The following MORC1 variants were observed in gnomAD, a reference collection of about 807,000 sequenced individuals.
MORC1 encodes MORC family CW-type zinc finger protein 1.
Under a neutral mutation model 134.9 loss-of-function variants are expected in MORC1, and 59 were observed. That is an observed-to-expected ratio of 0.44 (90% confidence interval 0.35 to 0.54). The LOEUF (loss-of-function observed/expected upper bound fraction) is 0.54, where lower values mean the gene tolerates loss of function less well. Ranked by LOEUF, MORC1 falls within the 20% of genes least tolerant of loss-of-function variation. The pLI is 0.00. For missense variants in MORC1, 947 were observed against 1,134.5 expected (o/e 0.83, Z 2.37); for synonymous variants, 395 against 391.7 (o/e 1.01, Z -0.10).
intron 17 of MORC1, among the ~76,000 whole-genome samples, chr3:109,018,506 G>C (rs1189745952): frequency 6.6e-6 from 1 of 151,848 alleles, no homozygotes; most frequent in Non-Finnish European, 1.5e-5. Flanking sequence ...TATTCCAAAG[G>C]GTAAGAGTTA....
At chr3:108,995,303 T>C (rs975336049) in intron 21 of MORC1, among the ~76,000 whole-genome samples, 18 of 152,186 alleles carry the variant, frequency 1.2e-4, no homozygotes, top group Admixed American at 1.2e-3. Flanking sequence ...ATAAAAGGTG[T>C]GATTTAAAAA....
chr3:109,036,852 A>T (rs1292191199), intron 14 of MORC1, among the ~76,000 whole-genome samples: 3 of 152,174 alleles, frequency 2.0e-5, no homozygotes, highest in Non-Finnish European at 4.4e-5. Context: ...TGGGGCTTTT[A>T]ATTCAGACTT....
chr3:108,988,686 A>G (rs1290083395), intron 21 of MORC1, among the ~76,000 whole-genome samples: 4 of 152,176 alleles, frequency 2.6e-5, no homozygotes, highest in Admixed American at 2.0e-4. Flanking sequence ...ATCCATGATG[A>G]TTATAACAAA....
At chr3:109,079,253 A>G (rs1343971453) in intron 8 of MORC1, among the ~76,000 whole-genome samples, 1 of 152,120 alleles carries the variant, frequency 6.6e-6, no homozygotes, top group Non-Finnish European at 1.5e-5. Context: ...CAGTCATGTA[A>G]AAGAATAATA....
intron 8 of MORC1, among the ~76,000 whole-genome samples, chr3:109,085,776 A>C (rs1267099994): frequency 6.6e-6 from 1 of 152,102 alleles, no homozygotes; most frequent in East Asian, 1.9e-4. Context: ...TGAATCTATC[A>C]AAGAGATATC....
In MORC1 at chr3:109,028,032, G is replaced by A. The variant is rs1336811896; in HGVS notation, c.1566-143C>T. The A allele has an allele frequency of 2.9e-5, 26 of 906,734 alleles. No individual in the cohort carries two copies. In the Middle Eastern group the frequency reaches 9.9e-4, roughly 34 times the overall value. 56.2% of individuals were successfully genotyped at this position (906,734 alleles called of 1,614,324 possible). A position where few individuals can be genotyped will look rare whatever the true frequency, so the allele number is the denominator to read the frequency against. On this transcript the variant is annotated intron_variant, in intron 16 of 27. Transcript: ENST00000232603. ...AATAGGAAGGAAAAGCATTGTATCC[G>A]TGGCTTTCGATAACAAATAACCTTA... is the stretch of plus-strand genomic sequence containing the variant.
chr3:109,005,372 TCAC>T (rs1255580930), intron 18 of MORC1, 57 bp from the exon 19 acceptor site: 8 of 1,446,070 alleles, frequency 5.5e-6, no homozygotes, highest in Non-Finnish European at 7.4e-6. Flanking sequence ...TTATAATTAA[TCAC>T]CACTTCTCTC....
At chr3:109,090,059 G>C (rs968634897) in intron 8 of MORC1, among the ~76,000 whole-genome samples, 11 of 152,082 alleles carry the variant, frequency 7.2e-5, no homozygotes, top group African/African-American at 2.7e-4. Context: ...ATAAAATGCA[G>C]ACTTGTGTAT....
chr3:109,087,787 G>A (rs189041880), intron 8 of MORC1, among the ~76,000 whole-genome samples: 1 of 152,094 alleles, frequency 6.6e-6, no homozygotes, highest in Admixed American at 6.6e-5. Context: ...TAAGCAAAAA[G>A]AACAAAGCTG....
intron 17 of MORC1, among the ~76,000 whole-genome samples, chr3:109,013,913 T>C (rs915925635): frequency 5.9e-5 from 9 of 152,190 alleles, no homozygotes; most frequent in African/African-American, 2.2e-4. Flanking sequence ...TTTCCCTCCC[T>C]TGCTTTCTGC....
At chr3:108,990,898 TTCTCTCTCTCTCTCTC>T (rs34333221) in intron 21 of MORC1, among the ~76,000 whole-genome samples, 2 of 145,664 alleles carry the variant, frequency 1.4e-5, no homozygotes, top group Non-Finnish European at 3.0e-5. Context: ...GTTTCTCTCT[TTCTCTCTCTCTCTCTC>T]TCTCTCTCTC....
chr3:109,070,317 G>T (rs997273925), intron 8 of MORC1, among the ~76,000 whole-genome samples: 1 of 152,050 alleles, frequency 6.6e-6, no homozygotes, highest in Non-Finnish European at 1.5e-5. Flanking sequence ...ACACGATAAT[G>T]AAAAAGGAGA....
chr3:109,002,844 C>T (rs1266605758), intron 20 of MORC1, among the ~76,000 whole-genome samples: 2 of 152,164 alleles, frequency 1.3e-5, no homozygotes, highest in African/African-American at 4.8e-5. Flanking sequence ...CCTATAGTAC[C>T]TGCCCTACTC....
chr3:109,089,819 T>A (rs1405632232), intron 8 of MORC1, among the ~76,000 whole-genome samples: 1 of 152,168 alleles, frequency 6.6e-6, no homozygotes, highest in Non-Finnish European at 1.5e-5. Context: ...ACCCCCACCC[T>A]TTGTTTCAAA....
chr3:108,999,457 A>C (rs565868031), intron 21 of MORC1, among the ~76,000 whole-genome samples: 1 of 152,178 alleles, frequency 6.6e-6, no homozygotes, highest in Non-Finnish European at 1.5e-5. Flanking sequence ...AAAATGAAAA[A>C]ATTTTTAAAT....
intron 4 of MORC1, among the ~76,000 whole-genome samples, chr3:109,103,558 T>C (rs1950968717): frequency 6.6e-6 from 1 of 152,206 alleles, no homozygotes; most frequent in South Asian, 2.1e-4. Flanking sequence ...CAGTGACTAT[T>C]TGTTTTCCAT....
At chr3:108,999,876 G>GTT (rs3840211) in intron 21 of MORC1, among the ~76,000 whole-genome samples, 13 of 151,862 alleles carry the variant, frequency 8.6e-5, no homozygotes, top group South Asian at 4.2e-4. Flanking sequence ...CTTTTAGTGA[G>GTT]TTTTTTTTAA....
intron 21 of MORC1, 53 bp from the exon 22 acceptor site, chr3:108,987,002 A>G (rs1227723840): frequency 1.5e-6 from 2 of 1,353,038 alleles, no homozygotes; most frequent in African/African-American, 2.9e-5. Context: ...GACATATTAT[A>G]AACTTGACAA....
chr3:109,033,669 A>G (rs567490047), intron 15 of MORC1, among the ~76,000 whole-genome samples: 2 of 152,324 alleles, frequency 1.3e-5, no homozygotes, highest in African/African-American at 4.8e-5. Context: ...TTAACTGCTT[A>G]TATTTCAGTA....
Sources: allele counts gnomAD v4.1 joint callset (sites outside exome capture counted in the v4.1 genomes callset), GRCh38; gene constraint gnomAD v4.1.1; transcripts MANE v1.5; gene names NCBI Gene and HGNC (gene_info 2026-07-23, HGNC 2026-07-21).